Variants in ZYG11B observed in about 807,000 individuals in gnomAD.
ZYG11B encodes the protein protein zyg-11 homolog B.
A neutral mutation model predicts 82.4 loss-of-function variants in ZYG11B; 36 were observed. The observed-to-expected ratio is 0.44, with a 90% CI of 0.33 to 0.58. ZYG11B has a LOEUF of 0.58. Ranked by LOEUF, ZYG11B falls within the 20% of genes least tolerant of loss-of-function variation. ZYG11B has a pLI of 0.02. For missense variants in ZYG11B, 552 were observed against 895.6 expected, an observed-to-expected ratio of 0.62 and a Z score of 4.90; for synonymous variants, 303 against 312.8, an observed-to-expected ratio of 0.97 and a Z score of 0.33.
chr1:52,748,438 A>G (rs1256731467), intron 1 of ZYG11B, among the ~76,000 whole-genome samples: 1 of 152,256 alleles, frequency 6.6e-6, no homozygotes, highest in Non-Finnish European at 1.5e-5. Flanking sequence ...GGCTGGCACC[A>G]CACAGTTGTC....
rs1644571635 is a variant in ZYG11B, at chr1:52,755,873, CACTACA to C, written c.31-581_31-576del. The stretch of plus-strand genomic sequence containing the variant: ...GGAGTTCAGTGGCATAATCTCGGCT[CACTACA>C]ACTTCCGCCTCTTGGATTCAAGTGA... On this transcript the variant is annotated intron_variant, in intron 1 of 13. Coordinates refer to ENST00000294353, the MANE Select transcript of ZYG11B (RefSeq NM_024646.3). 4.6e-5 allele frequency among the ~76,000 whole-genome samples: 7 copies of C among 152,270 alleles called. No homozygotes were observed. In the South Asian group the frequency reaches 1.5e-3, roughly 32 times the overall value.
chr1:52,726,471 C>G lies in ZYG11B; in HGVS notation c.-183C>G, dbSNP rs1325381527. 2 of 523,768 alleles carry G rather than the reference C, an allele frequency of 3.8e-6. No individual in the cohort carries two copies. Among genetic ancestry groups the G allele is most frequent in the African/African-American group, 2.0e-5 (1 of 49,566 alleles). The allele number at this position is 523,768 out of a possible 1,614,324, so 32.4% of individuals were successfully genotyped here. A position where few individuals can be genotyped will look rare whatever the true frequency, so the allele number is the denominator to read the frequency against. On this transcript the variant is annotated 5_prime_UTR_variant, in exon 1 of 14. Coordinates refer to ENST00000294353, the MANE Select transcript of ZYG11B (RefSeq NM_024646.3). ...CGGGGGCGGAGTCTGCGCTCTGGTT[C>G]GGGCTGCGGCTGCGGCTGCGGCTGC...
At chr1:52,785,123 T>A in intron 5 of ZYG11B, 70 bp downstream of exon 5, 1 of 1,499,394 alleles carries the variant, frequency 6.7e-7, no homozygotes, top group Non-Finnish European at 9.0e-7. Flanking sequence ...CAGTTCAGTT[T>A]AATAGACCAA....
intron 10 of ZYG11B, among the ~76,000 whole-genome samples, chr1:52,802,846 C>G (rs1645088573): frequency 6.6e-6 from 1 of 151,144 alleles, no homozygotes; most frequent in African/African-American, 2.4e-5. Flanking sequence ...CGGTGAAACC[C>G]CGTCTCTACT....
intron 10 of ZYG11B, among the ~76,000 whole-genome samples, chr1:52,809,632 C>T (rs1645167154): frequency 6.6e-6 from 1 of 152,156 alleles, no homozygotes; most frequent in Non-Finnish European, 1.5e-5. Flanking sequence ...TACATTCCCA[C>T]CAACAGTGTC....
rs1314138185 is a variant in ZYG11B at position 52,823,479 on chromosome 1, C to A, written c.*1850C>A. 1 of 149,454 alleles carries A rather than the reference C, an allele frequency of 6.7e-6. No homozygotes were observed. The highest frequency in any genetic ancestry group is 1.5e-5 in the Non-Finnish European group (1 of 67,530). The allele number at this position is 149,454 out of a possible 1,614,324, so 9.3% of individuals were successfully genotyped here. A position where few individuals can be genotyped will look rare whatever the true frequency, so the allele number is the denominator to read the frequency against. ...TAGGCGTAAGATAAATTTTCACAGACTAAGTTTATTTCAGACAAAATAGAG... is the reference window on the plus strand; with the variant it reads ...TAGGCGTAAGATAAATTTTCACAGAATAAGTTTATTTCAGACAAAATAGAG... On this transcript the variant is annotated 3_prime_UTR_variant, in exon 14 of 14. Transcript: ENST00000294353.
In ZYG11B at chr1:52,771,793, ATTATT is replaced by A. The variant is rs1553259948; in HGVS notation, c.951+22_951+26del. 4 of 1,589,010 alleles carry A rather than the reference ATTATT, an allele frequency of 2.5e-6. No individual in the cohort carries two copies. Among genetic ancestry groups the A allele is most frequent in the Non-Finnish European group, 3.4e-6 (4 of 1,167,938 alleles). On this transcript the variant is annotated intron_variant, in intron 3 of 13. Transcript: ENST00000294353. This position sits in a 1 kb window ranked among gnomAD's most constrained non-coding sequence, Gnocchi z 5.4. ...TTTGAAGGTTAGACTTTAAAAATGTATTATTTTGTCAGGCTGACCAATATCTTAGT... is the reference window on the plus strand; with the variant it reads ...TTTGAAGGTTAGACTTTAAAAATGTATTGTCAGGCTGACCAATATCTTAGT...
In ZYG11B at chr1:52,771,285, C is replaced by G; in HGVS notation, c.462C>G (p.Tyr154Ter). The change falls in exon 3 of 14, where the codon TAC becomes TAG. Residue 154 changes from tyrosine to a stop codon, truncating the protein, a stop_gained. Transcript: ENST00000294353. LOFTEE classifies it high-confidence loss of function. The surrounding 1 kb of genome is among the most constrained non-coding windows in gnomAD (Gnocchi z 5.4). ...TAACTCTCTCCCTCGAGGATCCTTA[C>G]GAGCGCTGCTTCAGCCGGCTTTCTG... ...NSLTLSLEDP[Y>*]ERCFSRLSGL... The G allele has an allele frequency of 6.2e-7, 1 of 1,614,226 alleles. No homozygotes were observed. Among genetic ancestry groups the G allele is most frequent in the Non-Finnish European group, 8.5e-7 (1 of 1,180,042 alleles).
At position 52,824,691 on chromosome 1, in the gene ZYG11B, AGTGCCTTTGCAG is replaced by A. The variant is rs1645310703; in HGVS notation, c.*3063_*3074del. The stretch of plus-strand genomic sequence containing the variant: ...TACATCCCAAATATATAAAAATTTG[AGTGCCTTTGCAG>A]TTGGGATGGTTCCTAAAATTGCGTA... On this transcript the variant is annotated 3_prime_UTR_variant, in exon 14 of 14. Transcript: ENST00000294353. 1.3e-5 allele frequency: 2 copies of A among 152,104 alleles called. No homozygotes were observed. The highest frequency in any genetic ancestry group is 4.8e-5 in the African/African-American group (2 of 41,418). The allele number at this position is 152,104 out of a possible 1,614,324, so 9.4% of individuals were successfully genotyped here.
intron 6 of ZYG11B, among the ~76,000 whole-genome samples, chr1:52,790,773 C>CTTTTTTTTTTT: frequency 1.3e-5 from 1 of 77,694 alleles, no homozygotes; most frequent in East Asian, 4.6e-4. Flanking sequence ...GTCCAGTGTT[C>CTTTTTTTTTTT]TTTTTTTTTT....
chr1:52,729,698 G>A (rs1644314042), intron 1 of ZYG11B, among the ~76,000 whole-genome samples: 1 of 152,150 alleles, frequency 6.6e-6, no homozygotes, highest in South Asian at 2.1e-4. Flanking sequence ...AAATTAGCTG[G>A]GTGTGGTGGC....
Position 52,813,894 on chromosome 1 carries a change from G to A in ZYG11B, c.1928G>A (p.Cys643Tyr). The A allele has an allele frequency of 6.2e-7, 1 of 1,614,116 alleles. No individual in the cohort carries two copies. Among genetic ancestry groups the A allele is most frequent in the Non-Finnish European group, 8.5e-7 (1 of 1,180,008 alleles). Residue 643 changes from cysteine (C) to tyrosine (Y), a missense_variant, in exon 12 of 14, where the codon TGT becomes TAT. Coordinates refer to ENST00000294353, the MANE Select transcript of ZYG11B (RefSeq NM_024646.3). ...SAILKWPTPE[C>Y]EMVAYRSFNP... Reference sequence around the variant, plus strand: ...ATTTTGAAATGGCCAACTCCAGAGTGTGAGATGGTAGCATACAGGTAATTA... The same window carrying A: ...ATTTTGAAATGGCCAACTCCAGAGTATGAGATGGTAGCATACAGGTAATTA...
rs185481206 is a variant in ZYG11B at position 52,803,424 on chromosome 1, C to T, written c.1695+1285C>T. 5.4e-3 allele frequency among the ~76,000 whole-genome samples: 714 copies of T among 132,522 alleles called. 6 individuals carry two copies. The highest frequency in any genetic ancestry group is 0.02 in the African/African-American group (692 of 34,172). The allele number at this position is 132,522 out of a possible 152,430, so 86.9% of individuals were successfully genotyped here. ...TGCACTCCAGCCTGGACAATAAGAG[C>T]GAAACTCCATCTCAAAAGAAAAAAA... On this transcript the variant is annotated intron_variant, in intron 10 of 13. Transcript: ENST00000294353.
chr1:52,747,017 A>G (rs548497255), intron 1 of ZYG11B, among the ~76,000 whole-genome samples: 1 of 151,776 alleles, frequency 6.6e-6, no homozygotes, highest in Admixed American at 6.6e-5. Context: ...CACATTCTAA[A>G]TATATGAACT....
At chr1:52,783,805 T>TATATATATACACACACAC (rs74185908) in intron 4 of ZYG11B, among the ~76,000 whole-genome samples, 24 of 135,002 alleles carry the variant, frequency 1.8e-4, no homozygotes, top group Non-Finnish European at 3.4e-4. Flanking sequence ...TATATATATA[T>TATATATATACACACACAC]ACACACACAC....
chr1:52,748,059 G>A, intron 1 of ZYG11B, among the ~76,000 whole-genome samples: 2 of 152,302 alleles, frequency 1.3e-5, no homozygotes, highest in South Asian at 4.1e-4. Flanking sequence ...TATGATATTA[G>A]TAGAGTAGTT....
chr1:52,794,441 A>G (rs1644989633), intron 6 of ZYG11B, among the ~76,000 whole-genome samples: 1 of 152,212 alleles, frequency 6.6e-6, no homozygotes, highest in African/African-American at 2.4e-5. Context: ...TACAGTAGTA[A>G]TCTACCTGAA....
At position 52,801,809 on chromosome 1, in the gene ZYG11B, T is replaced by A. The variant is rs760291380; in HGVS notation, c.1486-10T>A. ...AAGTGAAAACTTATTTCTGTTTTTT[T>A]TTTTTTCAGCAACTTCTTCAAATAG... On this transcript the variant is annotated splice_polypyrimidine_tract_variant and intron_variant, in intron 8 of 13. Coordinates refer to ENST00000294353, the MANE Select transcript of ZYG11B (RefSeq NM_024646.3). The A allele has an allele frequency of 6.4e-7, 1 of 1,574,558 alleles. No individual in the cohort carries two copies. Among genetic ancestry groups the A allele is most frequent in the South Asian group, 1.2e-5 (1 of 84,292 alleles).
intron 3 of ZYG11B, among the ~76,000 whole-genome samples, chr1:52,777,106 A>G (rs1644816794): frequency 6.6e-6 from 1 of 152,106 alleles, no homozygotes; most frequent in African/African-American, 2.4e-5. Context: ...GCTACTCAGG[A>G]GGCTGAGGCA....
Sources: gnomAD v4.1 joint callset for allele counts (sites outside exome capture counted in the v4.1 genomes callset) on GRCh38, gnomAD v4.1.1 for gene constraint, Gnocchi (gnomAD v3.1) non-coding constraint, MANE v1.5 for transcripts, NCBI Gene and HGNC (gene_info 2026-07-23, HGNC 2026-07-21) for gene names.